HMCN1: variants seen among roughly 807,000 people sequenced by gnomAD.
HMCN1 encodes the protein hemicentin-1.
In HMCN1, 321 loss-of-function variants were observed where a neutral mutation model predicts 625.9. The observed-to-expected ratio is 0.51, with a 90% CI of 0.47 to 0.56. HMCN1 has a LOEUF of 0.56. Ranked by LOEUF, HMCN1 falls within the 20% of genes least tolerant of loss-of-function variation. The pLI is 0.00. For synonymous variants in HMCN1, 2,425 were observed against 2,417.6 expected, an observed-to-expected ratio of 1.00 and a Z score of -0.09; for missense variants, 6,588 against 6,887.3, an observed-to-expected ratio of 0.96 and a Z score of 1.54.
chr1:186,167,505 G>C (rs1269485969), intron 100 of HMCN1, among the ~76,000 whole-genome samples: 2 of 152,160 alleles, frequency 1.3e-5, no homozygotes, highest in Non-Finnish European at 2.9e-5. Context: ...ATCACTCAGA[G>C]TCTAGCTTAG....
intron 20 of HMCN1, among the ~76,000 whole-genome samples, chr1:185,988,249 A>G (rs1024591434): frequency 1.2e-4 from 19 of 152,210 alleles, no homozygotes; most frequent in Non-Finnish European, 5.9e-5. Flanking sequence ...TGTCCCTGTC[A>G]TGTTGTTCAG....
intron 4 of HMCN1, among the ~76,000 whole-genome samples, chr1:185,893,732 A>T (rs1665297559): frequency 6.6e-6 from 1 of 152,214 alleles, no homozygotes; most frequent in Admixed American, 6.5e-5. Context: ...ATGCTTGGTT[A>T]GAAAAGTGCT....
intron 11 of HMCN1, among the ~76,000 whole-genome samples, chr1:185,934,919 G>A (rs1262450648): frequency 2.6e-5 from 4 of 152,098 alleles, no homozygotes; most frequent in Non-Finnish European, 5.9e-5. Context: ...TTTTCTCCTT[G>A]GTAGTTGAAA....
intron 70 of HMCN1, among the ~76,000 whole-genome samples, chr1:186,107,747 T>G (rs1280811502): frequency 3.9e-5 from 6 of 151,954 alleles, no homozygotes; most frequent in African/African-American, 1.2e-4. Flanking sequence ...TTTCTGTAAG[T>G]GCACTTGCTT....
chr1:185,983,095 A>G (rs887237837), intron 18 of HMCN1, among the ~76,000 whole-genome samples: 11 of 152,226 alleles, frequency 7.2e-5, no homozygotes, highest in African/African-American at 2.2e-4. Flanking sequence ...AATCTTTATT[A>G]TTATTAACTT....
chr1:185,755,811 G>C (rs1655098345), intron 1 of HMCN1, among the ~76,000 whole-genome samples: 1 of 152,174 alleles, frequency 6.6e-6, no homozygotes, highest in Non-Finnish European at 1.5e-5. Flanking sequence ...TGGGAGTAAA[G>C]GGGCTACCTA....
rs1000981218 is a variant in HMCN1, at chr1:185,956,256, C to CT, written c.1829-6262_1829-6261insT. ...AGCAGACACCAGCCAGGTGATCCTC[C>CT]AATTCATTTCTGAAACTATCTAGAT... On this transcript the variant is annotated intron_variant, in intron 11 of 106. Transcript: ENST00000271588. 3.9e-5 allele frequency among the ~76,000 whole-genome samples: 6 copies of CT among 152,170 alleles called. No individual in the cohort carries two copies. The Middle Eastern group carries it at 0.017, about 431-fold the overall frequency.
At position 186,112,810 on chromosome 1, in the gene HMCN1, A is replaced by G; in HGVS notation, c.10990-2A>G. On this transcript the variant is annotated splice_acceptor_variant, in intron 71 of 106. Coordinates refer to ENST00000271588, the MANE Select transcript of HMCN1 (RefSeq NM_031935.3). LOFTEE classifies it high-confidence loss of function. ...GCAAATTTCTTTACTTGCTGAATCC[A>G]GGCAACACCTCGAGTGCGAATCCTA... 6.2e-7 allele frequency: 1 copy of G among 1,614,154 alleles called. No individual in the cohort carries two copies. Among genetic ancestry groups the G allele is most frequent in the Non-Finnish European group, 8.5e-7 (1 of 1,180,006 alleles).
rs571736405 is a variant in HMCN1 at position 185,984,342 on chromosome 1, C to T, written c.2935+29C>T. The stretch of plus-strand genomic sequence containing the variant: ...AGAGACACACCCAATGTTATTGTTT[C>T]GAAACTGTGTTCAAAGTAGTTGTTC... On this transcript the variant is annotated intron_variant, in intron 19 of 106. Coordinates refer to ENST00000271588, the MANE Select transcript of HMCN1 (RefSeq NM_031935.3). The T allele has an allele frequency of 8.2e-5, 132 of 1,610,388 alleles. No individual in the cohort carries two copies. In the Middle Eastern group the frequency reaches 1.2e-3, roughly 14 times the overall value.
intron 35 of HMCN1, 95 bp from the exon 36 acceptor site, chr1:186,022,935 T>C: frequency 8.2e-7 from 1 of 1,218,208 alleles, no homozygotes; most frequent in East Asian, 2.4e-5. Context: ...TATTGTTAGA[T>C]ATTATAAATT....
intron 87 of HMCN1, among the ~76,000 whole-genome samples, chr1:186,137,253 G>A (rs1375505361): frequency 6.6e-6 from 1 of 152,218 alleles, no homozygotes; most frequent in Non-Finnish European, 1.5e-5. Flanking sequence ...TTGTAAACTT[G>A]TTGGTCTCTA....
chr1:186,008,685 A>G (rs1053451565), intron 30 of HMCN1, among the ~76,000 whole-genome samples: 1 of 152,136 alleles, frequency 6.6e-6, no homozygotes, highest in African/African-American at 2.4e-5. Context: ...TGGGGATAAT[A>G]ATAGCACCTA....
Position 186,190,084 on chromosome 1 carries a change from C to T in HMCN1, c.*206C>T, listed in dbSNP as rs1419043521. The T allele has an allele frequency of 8.2e-6, 5 of 612,726 alleles. 1 individual carries two copies. The highest frequency in any genetic ancestry group is 1.4e-5 in the Non-Finnish European group (5 of 348,908). 38.0% of individuals were successfully genotyped at this position (612,726 alleles called of 1,614,324 possible). On this transcript the variant is annotated 3_prime_UTR_variant, in exon 107 of 107. Coordinates refer to ENST00000271588, the MANE Select transcript of HMCN1 (RefSeq NM_031935.3). Reference sequence around the variant, plus strand: ...ATCTTGAAGTATGGTCTAGAAAAGTCCCTTATTATTTTATTTATTACACTG... The same window carrying T: ...ATCTTGAAGTATGGTCTAGAAAAGTTCCTTATTATTTTATTTATTACACTG...
At chr1:186,149,187 C>T (rs935726943) in intron 93 of HMCN1, among the ~76,000 whole-genome samples, 1 of 152,140 alleles carries the variant, frequency 6.6e-6, no homozygotes, top group African/African-American at 2.4e-5. Context: ...AGCTTTGAAG[C>T]CAGGCATTGA....
At chr1:186,107,969 G>T (rs576808913) in intron 70 of HMCN1, among the ~76,000 whole-genome samples, 3 of 147,626 alleles carry the variant, frequency 2.0e-5, no homozygotes, top group Non-Finnish European at 4.4e-5. Context: ...ACTAGGCAGC[G>T]CAAACTGTCT....
intron 6 of HMCN1, among the ~76,000 whole-genome samples, chr1:185,915,800 C>T (rs1666666278): frequency 6.6e-6 from 1 of 152,020 alleles, no homozygotes; most frequent in Non-Finnish European, 1.5e-5. Flanking sequence ...ATTATGCTGG[C>T]CTCCTATTAG....
chr1:185,763,281 T>C (rs565158900), intron 1 of HMCN1, among the ~76,000 whole-genome samples: 28 of 151,214 alleles, frequency 1.9e-4, no homozygotes, highest in Non-Finnish European at 3.0e-4. Flanking sequence ...CAAGGTGAAC[T>C]TAGAACAAGG....
chr1:186,033,074 A>G (rs908934859), intron 36 of HMCN1, among the ~76,000 whole-genome samples: 1 of 151,858 alleles, frequency 6.6e-6, no homozygotes, highest in African/African-American at 2.4e-5. Context: ...GCACACACAC[A>G]CACACACACA....
chr1:186,103,254 T>C (rs1363613526), intron 68 of HMCN1, among the ~76,000 whole-genome samples: 1 of 152,184 alleles, frequency 6.6e-6, no homozygotes, highest in African/African-American at 2.4e-5. Context: ...TGGTAATGAA[T>C]TGCCATTTAC....
Sources: gnomAD v4.1 joint callset for allele counts (sites outside exome capture counted in the v4.1 genomes callset) on GRCh38, gnomAD v4.1.1 for gene constraint, MANE v1.5 for transcripts, NCBI Gene and HGNC (gene_info 2026-07-23, HGNC 2026-07-21) for gene names.